FSHR: variants seen among roughly 807,000 people sequenced by gnomAD.
FSHR encodes the protein follicle-stimulating hormone receptor.
In FSHR, 46 loss-of-function variants were observed where a neutral mutation model predicts 52.1. The ratio of observed to expected loss-of-function variants is 0.88; its 90% CI spans 0.70 to 1.13. The LOEUF (loss-of-function observed/expected upper bound fraction) is 1.13. Ranked by LOEUF, FSHR falls within the 50% of genes most tolerant of loss-of-function variation. FSHR has a pLI of 0.00. For synonymous variants in FSHR, 399 were observed against 309.6 expected (o/e 1.29, Z -3.03); for missense variants, 964 against 834.6 (o/e 1.16, Z -1.91).
At chr2:49,100,725 T>C (rs907396492) in intron 1 of FSHR, among the ~76,000 whole-genome samples, 8 of 152,258 alleles carry the variant, frequency 5.3e-5, no homozygotes, top group African/African-American at 1.9e-4. Context: ...CCTTTTGTTA[T>C]GTAAGAAGAA....
At chr2:49,099,709 G>C (rs1670953407) in intron 1 of FSHR, among the ~76,000 whole-genome samples, 2 of 152,114 alleles carry the variant, frequency 1.3e-5, no homozygotes, top group Admixed American at 1.3e-4. Flanking sequence ...GGAAATGGAA[G>C]AGATTGGAGT....
Position 48,963,591 on chromosome 2 carries a change from G to A in FSHR, c.1230C>T (p.Cys410=). The A allele has an allele frequency of 6.2e-7, 1 of 1,614,198 alleles. No homozygotes were observed. Among genetic ancestry groups the A allele is most frequent in the Non-Finnish European group, 8.5e-7 (1 of 1,180,034 alleles). Residue 410 remains cysteine (C), a synonymous_variant, in exon 10 of 10, where the codon TGC becomes TGT. Coordinates refer to ENST00000406846, the MANE Select transcript of FSHR (RefSeq NM_000145.4). ...CAATGAGCAGCAGGTAGATTCCAAT[G>A]CAGAGATCAGCAAAGGCCAGGTTGC... ...LMCNLAFADL[C]IGIYLLLIAS...
At chr2:49,117,555 T>A (rs1671649389) in intron 1 of FSHR, among the ~76,000 whole-genome samples, 1 of 152,204 alleles carries the variant, frequency 6.6e-6, no homozygotes, top group African/African-American at 2.4e-5. Flanking sequence ...TTCCGAAGAC[T>A]GGGGTTTTAT....
chr2:49,052,623 T>C (rs1668909211), intron 2 of FSHR, among the ~76,000 whole-genome samples: 1 of 152,190 alleles, frequency 6.6e-6, no homozygotes, highest in Admixed American at 6.5e-5. Flanking sequence ...TTCCTTGTTA[T>C]TCCCAGGGAC....
At chr2:49,006,339 G>A (rs1667075896) in intron 4 of FSHR, among the ~76,000 whole-genome samples, 1 of 151,986 alleles carries the variant, frequency 6.6e-6, no homozygotes, top group African/African-American at 2.4e-5. Context: ...TCAAGAATAT[G>A]TTATAACTTA....
At chr2:49,082,616 T>C (rs559023725) in intron 1 of FSHR, among the ~76,000 whole-genome samples, 1 of 151,712 alleles carries the variant, frequency 6.6e-6, no homozygotes, top group Non-Finnish European at 1.5e-5. Flanking sequence ...TAGAAGAATG[T>C]ATAACTAGAT....
chr2:49,099,859 C>A (rs1269386146), intron 1 of FSHR, among the ~76,000 whole-genome samples: 2 of 152,224 alleles, frequency 1.3e-5, no homozygotes, highest in East Asian at 3.9e-4. Context: ...ACCTCCAGAA[C>A]TGTGAGAGAA....
chr2:49,101,237 G>A (rs1671015059), intron 1 of FSHR, among the ~76,000 whole-genome samples: 1 of 152,102 alleles, frequency 6.6e-6, no homozygotes, highest in African/African-American at 2.4e-5. Context: ...GCTAGAGGGA[G>A]AGAAAGTCAA....
chr2:49,092,830 T>A (rs1319606645), intron 1 of FSHR, among the ~76,000 whole-genome samples: 3 of 152,066 alleles, frequency 2.0e-5, no homozygotes, highest in African/African-American at 7.2e-5. Flanking sequence ...CATGCGCAGC[T>A]ATTTTTTCTA....
chr2:49,028,791 G>A (rs948980574), intron 2 of FSHR, among the ~76,000 whole-genome samples: 1 of 152,142 alleles, frequency 6.6e-6, no homozygotes, highest in Non-Finnish European at 1.5e-5. Context: ...AACCTTGAAG[G>A]CCACAGTTGA....
intron 8 of FSHR, among the ~76,000 whole-genome samples, chr2:48,980,914 G>C (rs1346574059): frequency 6.6e-6 from 1 of 152,074 alleles, no homozygotes; most frequent in African/African-American, 2.4e-5. Context: ...TATTGTACCT[G>C]GTACAGGTCA....
intron 1 of FSHR, among the ~76,000 whole-genome samples, chr2:49,109,567 G>C (rs1331443037): frequency 1.3e-5 from 2 of 152,098 alleles, no homozygotes; most frequent in Admixed American, 6.6e-5. Flanking sequence ...GGAGTGGACT[G>C]GGGGGACAGT....
intron 4 of FSHR, among the ~76,000 whole-genome samples, chr2:48,996,034 G>T (rs1367964582): frequency 6.6e-6 from 1 of 152,002 alleles, no homozygotes; most frequent in African/African-American, 2.4e-5. Flanking sequence ...CCAGTTGTGT[G>T]TCCAGTTTAT....
chr2:49,000,677 A>AC (rs1306851056), intron 4 of FSHR, among the ~76,000 whole-genome samples: 4 of 152,096 alleles, frequency 2.6e-5, no homozygotes, highest in African/African-American at 9.7e-5. Context: ...AAAGCTGTAG[A>AC]TTTTTCCCTT....
intron 6 of FSHR, among the ~76,000 whole-genome samples, chr2:48,984,004 C>T (rs528507959): frequency 2.6e-5 from 4 of 152,020 alleles, no homozygotes; most frequent in African/African-American, 4.8e-5. Flanking sequence ...GAGCTTAGCC[C>T]GAAGAACCTC....
chr2:49,058,061 A>T (rs752686018), intron 2 of FSHR, among the ~76,000 whole-genome samples: 2 of 152,188 alleles, frequency 1.3e-5, no homozygotes, highest in Non-Finnish European at 2.9e-5. Context: ...AGCTAATATC[A>T]TGTGGATTGA....
chr2:49,021,324 G>C (rs1667688555), intron 2 of FSHR, among the ~76,000 whole-genome samples: 1 of 152,086 alleles, frequency 6.6e-6, no homozygotes, highest in South Asian at 2.1e-4. Context: ...AGAGAGGGCA[G>C]CTTAATCAGT....
intron 2 of FSHR, among the ~76,000 whole-genome samples, chr2:49,061,218 G>A (rs564135265): frequency 1.6e-4 from 25 of 152,142 alleles, no homozygotes; most frequent in Admixed American, 5.2e-4. Flanking sequence ...CAAGACCCAG[G>A]TGCCATAACA....
chr2:49,113,647 C>T (rs1053875531), intron 1 of FSHR, among the ~76,000 whole-genome samples: 3 of 151,934 alleles, frequency 2.0e-5, no homozygotes, highest in African/African-American at 7.3e-5. Flanking sequence ...TTTATTTTCC[C>T]CCTAAACAAT....
Sources: allele counts gnomAD v4.1 joint callset (sites outside exome capture counted in the v4.1 genomes callset), GRCh38; gene constraint gnomAD v4.1.1; transcripts MANE v1.5; gene names NCBI Gene and HGNC (gene_info 2026-07-23, HGNC 2026-07-21).